Variants in CDKAL1 observed in about 807,000 individuals in gnomAD.
CDKAL1 encodes the protein CDKAL1 threonylcarbamoyladenosine tRNA methylthiotransferase.
Under a neutral mutation model 68.2 loss-of-function variants are expected in CDKAL1, and 32 were observed. The ratio of observed to expected loss-of-function variants is 0.47; its 90% CI spans 0.35 to 0.63. CDKAL1 has a LOEUF of 0.63. Among genes scored for constraint, CDKAL1 ranks in the 30% least tolerant of loss-of-function variants. The pLI is 0.00. For missense variants in CDKAL1, 606 were observed against 696.7 expected (o/e 0.87, Z 1.47); for synonymous variants, 234 against 244.3 (o/e 0.96, Z 0.39).
chr6:20,953,353 A>G lies in CDKAL1; in HGVS notation c.743-2066A>G, dbSNP rs539612151. 7.2e-5 allele frequency among the ~76,000 whole-genome samples: 11 copies of G among 152,298 alleles called. No homozygotes were observed. The East Asian group carries it at 2.1e-3, about 29-fold the overall frequency. On this transcript the variant is annotated intron_variant, in intron 9 of 15. Coordinates refer to ENST00000274695, the MANE Select transcript of CDKAL1 (RefSeq NM_017774.3). ...AGCAACAGCAAGGCACTGTTCCAGG[A>G]ACCCACACTCTCTACATAAGGCATA... is the stretch of plus-strand genomic sequence containing the variant.
intron 13 of CDKAL1, among the ~76,000 whole-genome samples, chr6:21,177,140 A>T (rs1034624548): frequency 7.9e-5 from 12 of 152,234 alleles, no homozygotes; most frequent in African/African-American, 2.9e-4. Context: ...TCATACTGCA[A>T]TATGCTTTTT....
chr6:21,030,344 G>A (rs117096014), intron 11 of CDKAL1, among the ~76,000 whole-genome samples: 1,927 of 152,214 alleles, frequency 0.013, 53 homozygotes, highest in East Asian at 0.1. Flanking sequence ...GGTAGTGAGC[G>A]GAGGGAGAGC....
chr6:20,748,554 GGAAAAAAAAAAAAAAAAAA>G (rs1235112475), intron 6 of CDKAL1, among the ~76,000 whole-genome samples: 896 of 77,060 alleles, frequency 0.012, 100 homozygotes, highest in South Asian at 0.021. Flanking sequence ...CTCTGTTTCT[GGAAAAAAAAAAAAAAAAAA>G]AAAAAAAAAA....
At position 21,123,589 on chromosome 6, in the gene CDKAL1, T is replaced by G. The variant is rs544540291; in HGVS notation, c.1299+15126T>G. 6.6e-5 allele frequency among the ~76,000 whole-genome samples: 10 copies of G among 152,338 alleles called. No homozygotes were observed. The South Asian group carries it at 2.1e-3, about 32-fold the overall frequency. ...AGTCTTGTTAAAAACTCAACCTGTC[T>G]TTTACAGTACAACCTGGTCCTGCTC... On this transcript the variant is annotated intron_variant, in intron 13 of 15. Coordinates refer to ENST00000274695, the MANE Select transcript of CDKAL1 (RefSeq NM_017774.3).
intron 9 of CDKAL1, among the ~76,000 whole-genome samples, chr6:20,921,979 T>C (rs1371407063): frequency 3.3e-5 from 5 of 152,226 alleles, no homozygotes; most frequent in Non-Finnish European, 5.9e-5. Flanking sequence ...TTAGTTTATT[T>C]GTGTGCTGTA....
chr6:21,193,292 T>A (rs1778335340), intron 13 of CDKAL1, among the ~76,000 whole-genome samples: 1 of 152,018 alleles, frequency 6.6e-6, no homozygotes, highest in African/African-American at 2.4e-5. Flanking sequence ...AAGCATACAT[T>A]TACTGTTTAA....
chr6:20,790,209 G>T (rs1430283073), intron 8 of CDKAL1, among the ~76,000 whole-genome samples: 1 of 152,166 alleles, frequency 6.6e-6, no homozygotes, highest in East Asian at 1.9e-4. Flanking sequence ...TAAGCAACAA[G>T]CACAAAACAA....
intron 13 of CDKAL1, among the ~76,000 whole-genome samples, chr6:21,169,191 G>A (rs1187650181): frequency 1.3e-5 from 2 of 152,196 alleles, no homozygotes; most frequent in Non-Finnish European, 2.9e-5. Context: ...CTGCCCCATG[G>A]TGATAAATAC....
rs1764173705 is a variant in CDKAL1, at chr6:20,945,089, C to CACACAT, written c.743-10325_743-10324insTACACA. 2.0e-5 allele frequency among the ~76,000 whole-genome samples: 3 copies of CACACAT among 152,026 alleles called. No individual in the cohort carries two copies. The East Asian group carries it at 5.8e-4, about 29-fold the overall frequency. The stretch of plus-strand genomic sequence containing the variant: ...ACACACGTACACACACACACACACA[C>CACACAT]ACACACAACCTTTTTACTTAAGAAT... On this transcript the variant is annotated intron_variant, in intron 9 of 15. Transcript: ENST00000274695.
intron 13 of CDKAL1, among the ~76,000 whole-genome samples, chr6:21,157,537 T>C (rs991374973): frequency 6.6e-6 from 1 of 152,248 alleles, no homozygotes; most frequent in African/African-American, 2.4e-5. Context: ...TGTGTTGATA[T>C]CTTGTTTATT....
chr6:21,105,096 T>G (rs1773782868), intron 12 of CDKAL1, among the ~76,000 whole-genome samples: 1 of 152,258 alleles, frequency 6.6e-6, no homozygotes, highest in African/African-American at 2.4e-5. Context: ...TCCGTCATTT[T>G]TCTTCTGATT....
intron 10 of CDKAL1, among the ~76,000 whole-genome samples, chr6:20,991,761 G>A (rs1446428696): frequency 4.9e-5 from 7 of 143,470 alleles, no homozygotes; most frequent in African/African-American, 1.6e-4. Flanking sequence ...TGCATCTGTC[G>A]TCCCAGCTAC....
intron 8 of CDKAL1, among the ~76,000 whole-genome samples, chr6:20,842,861 T>G (rs1229871347): frequency 6.6e-6 from 1 of 152,068 alleles, no homozygotes; most frequent in Non-Finnish European, 1.5e-5. Flanking sequence ...ATCAAAAAAT[T>G]ATCATGTCAA....
At chr6:21,039,321 A>G (rs1456146115) in intron 11 of CDKAL1, among the ~76,000 whole-genome samples, 1 of 152,198 alleles carries the variant, frequency 6.6e-6, no homozygotes. Flanking sequence ...CATGGAAAAA[A>G]TGTCTTCCAG....
intron 13 of CDKAL1, among the ~76,000 whole-genome samples, chr6:21,192,100 C>A (rs1410018382): frequency 7.9e-6 from 1 of 127,010 alleles, no homozygotes; most frequent in East Asian, 2.5e-4. Context: ...CGGCTCACTG[C>A]AAGCTCCGCT....
At chr6:21,209,110 G>T (rs1779053019) in intron 15 of CDKAL1, among the ~76,000 whole-genome samples, 1 of 152,134 alleles carries the variant, frequency 6.6e-6, no homozygotes, top group Non-Finnish European at 1.5e-5. Flanking sequence ...CCACTACTAT[G>T]TGCTTGGTAT....
chr6:21,093,744 G>T, intron 12 of CDKAL1, among the ~76,000 whole-genome samples: 1 of 123,518 alleles, frequency 8.1e-6, no homozygotes, highest in African/African-American at 3.3e-5. Flanking sequence ...TGGAGACAGG[G>T]CCTCTCTGTC....
chr6:20,605,523 C>A lies in CDKAL1; in HGVS notation c.287-43770C>A, dbSNP rs180914820. Among the ~76,000 whole-genome samples the A allele has an allele frequency of 2.0e-3, 309 of 152,152 alleles. 1 individual carries two copies. The highest frequency in any genetic ancestry group is 6.8e-3 in the African/African-American group (283 of 41,496). On this transcript the variant is annotated intron_variant, in intron 4 of 15. Transcript: ENST00000274695. ...TTTCTTATTTTTTACATGCCTGGTA[C>A]TTTTTGATAAGATGCTAAACATTGT...
chr6:20,628,946 C>G (rs889038990), intron 4 of CDKAL1, among the ~76,000 whole-genome samples: 2 of 151,846 alleles, frequency 1.3e-5, no homozygotes, highest in African/African-American at 2.4e-5. Context: ...TTGTGTGTTT[C>G]CTATAAAATT....
Sources: allele counts gnomAD v4.1 joint callset (sites outside exome capture counted in the v4.1 genomes callset), GRCh38; gene constraint gnomAD v4.1.1; transcripts MANE v1.5; gene names NCBI Gene and HGNC (gene_info 2026-07-23, HGNC 2026-07-21).